ARHGAP6: variants seen among roughly 807,000 people sequenced by gnomAD.
The protein encoded by ARHGAP6 is Rho GTPase activating protein 6.
A neutral mutation model predicts 55.7 loss-of-function variants in ARHGAP6; 16 were observed. The observed-to-expected ratio is 0.29, with a 90% CI of 0.19 to 0.44. ARHGAP6 has a LOEUF of 0.44. ARHGAP6 is among the 20% of genes least tolerant of loss of function. The probability of loss-of-function intolerance (pLI) is 1.00; values close to 1 mark genes in which losing one functional copy is unlikely to be tolerated. For synonymous variants in ARHGAP6, 382 were observed against 360.9 expected, an observed-to-expected ratio of 1.06 and a Z score of -0.66; for missense variants, 698 against 808.9, an observed-to-expected ratio of 0.86 and a Z score of 1.66.
chrX:11,330,481 G>A (rs943360123), intron 1 of ARHGAP6, among the ~76,000 whole-genome samples: 4 of 111,184 alleles, frequency 3.6e-5, no homozygotes, highest in African/African-American at 1.3e-4. Flanking sequence ...AAGGGTTAAC[G>A]AGATGCATGT....
chrX:11,224,644 G>A (rs1432343485), intron 2 of ARHGAP6, among the ~76,000 whole-genome samples: 1 of 108,702 alleles, frequency 9.2e-6, no homozygotes, highest in East Asian at 2.8e-4. Flanking sequence ...GAGTTGGGCA[G>A]GGCATATATG....
In ARHGAP6 at chrX:11,471,796, G is replaced by A. The variant is rs751099599; in HGVS notation, c.588+192445C>T. ...GTAATAGTCTGATCCTGAGACCCAG[G>A]GATACAGGGCCTACCTCAAACTGAG... On this transcript the variant is annotated intron_variant, in intron 1 of 12. Transcript: ENST00000337414. 2.7e-5 allele frequency among the ~76,000 whole-genome samples: 3 copies of A among 111,526 alleles called. No homozygotes were observed. In the East Asian group the frequency reaches 8.5e-4, roughly 31 times the overall value.
chrX:11,583,987 G>A (rs764526122), intron 1 of ARHGAP6, among the ~76,000 whole-genome samples: 12 of 111,787 alleles, frequency 1.1e-4, no homozygotes, highest in Non-Finnish European at 2.1e-4. Context: ...CAACATATAA[G>A]AAAAGATTTC....
intron 1 of ARHGAP6, among the ~76,000 whole-genome samples, chrX:11,463,315 G>A (rs1452294100): frequency 3.6e-5 from 4 of 111,986 alleles, no homozygotes; most frequent in African/African-American, 1.3e-4. Context: ...AACTATTGTG[G>A]TTTTCTGTTG....
At chrX:11,609,644 C>T (rs2052078875) in intron 1 of ARHGAP6, among the ~76,000 whole-genome samples, 1 of 112,055 alleles carries the variant, frequency 8.9e-6, no homozygotes, top group Non-Finnish European at 1.9e-5. Flanking sequence ...ATACCAAAAA[C>T]TGCACACTGT....
intron 1 of ARHGAP6, among the ~76,000 whole-genome samples, chrX:11,593,831 C>T (rs1253000501): frequency 2.7e-5 from 3 of 112,398 alleles, no homozygotes; most frequent in Non-Finnish European, 3.8e-5. Context: ...TCACTACACA[C>T]AATGACCTAG....
intron 1 of ARHGAP6, among the ~76,000 whole-genome samples, chrX:11,580,065 T>C (rs750422895): frequency 9.0e-6 from 1 of 111,585 alleles, no homozygotes; most frequent in East Asian, 2.8e-4. Context: ...CCATGACTCA[T>C]TAAAGGCCAG....
At chrX:11,297,089 G>A (rs1019321915) in intron 1 of ARHGAP6, among the ~76,000 whole-genome samples, 3 of 111,538 alleles carry the variant, frequency 2.7e-5, no homozygotes, top group African/African-American at 9.8e-5. Flanking sequence ...CACTACTCAG[G>A]GAGGCTCCAT....
At chrX:11,317,441 G>A (rs751341282) in intron 1 of ARHGAP6, among the ~76,000 whole-genome samples, 4 of 111,915 alleles carry the variant, frequency 3.6e-5, no homozygotes, top group South Asian at 7.5e-4. Flanking sequence ...TCCCCAAACT[G>A]CCACAGGTTC....
chrX:11,256,269 G>A (rs1343781336), intron 1 of ARHGAP6, among the ~76,000 whole-genome samples: 4 of 112,051 alleles, frequency 3.6e-5, no homozygotes, highest in African/African-American at 1.3e-4. Flanking sequence ...CATGCCTGTA[G>A]TCCCAGCTAC....
intron 1 of ARHGAP6, among the ~76,000 whole-genome samples, chrX:11,486,345 T>C (rs950239375): frequency 8.9e-6 from 1 of 111,995 alleles, no homozygotes; most frequent in Non-Finnish European, 1.9e-5. Flanking sequence ...TGTAGAAACT[T>C]TAGCTCTCTA....
intron 1 of ARHGAP6, among the ~76,000 whole-genome samples, chrX:11,374,531 T>C (rs2049178781): frequency 8.9e-6 from 1 of 112,010 alleles, no homozygotes. Context: ...AACCATTTCT[T>C]CTCTTAATTC....
intron 1 of ARHGAP6, among the ~76,000 whole-genome samples, chrX:11,313,722 T>C (rs767155833): frequency 2.2e-4 from 25 of 112,472 alleles, no homozygotes; most frequent in Admixed American, 1.3e-3. Flanking sequence ...ATTAGAAAGA[T>C]TGTTTATCAC....
At chrX:11,494,249 A>G (rs1603231234) in intron 1 of ARHGAP6, among the ~76,000 whole-genome samples, 1 of 112,116 alleles carries the variant, frequency 8.9e-6, no homozygotes, top group East Asian at 2.8e-4. Flanking sequence ...GCATTAAATG[A>G]ACAAATAAAA....
At chrX:11,174,625 T>TCTTTC (rs748505752) in intron 8 of ARHGAP6, among the ~76,000 whole-genome samples, 50 of 14,946 alleles carry the variant, frequency 3.3e-3, no homozygotes, top group African/African-American at 4.9e-3. Context: ...TCTCTTTCTT[T>TCTTTC]TCTTTCTTTC....
At chrX:11,286,189 A>G (rs1009244385) in intron 1 of ARHGAP6, among the ~76,000 whole-genome samples, 2 of 112,155 alleles carry the variant, frequency 1.8e-5, no homozygotes, top group Non-Finnish European at 1.9e-5. Flanking sequence ...AACAATTTCT[A>G]TCTTTTAAAA....
At chrX:11,298,558 A>G (rs760691566) in intron 1 of ARHGAP6, 1 of 1,210,970 alleles carries the variant, frequency 8.3e-7, no homozygotes, top group South Asian at 1.8e-5. Context: ...TACCCTTCCT[A>G]TGGTTACGAG....
chrX:11,462,329 C>T lies in ARHGAP6; in HGVS notation c.588+201912G>A, dbSNP rs144632379. On this transcript the variant is annotated intron_variant, in intron 1 of 12. Transcript: ENST00000337414. ...AACTGCCTCATCTCTTCTCCACCCACGACAATGCCCTCTCCATCAAAAAAT... is the reference window on the plus strand; with the variant it reads ...AACTGCCTCATCTCTTCTCCACCCATGACAATGCCCTCTCCATCAAAAAAT... Among the ~76,000 whole-genome samples, 617 of 112,046 alleles carry T rather than the reference C, an allele frequency of 5.5e-3. 2 individuals carry two copies. Among genetic ancestry groups the T allele is most frequent in the Non-Finnish European group, 7.8e-3 (417 of 53,209 alleles).
intron 8 of ARHGAP6, among the ~76,000 whole-genome samples, chrX:11,171,489 A>AAT (rs200427459): frequency 0.026 from 2,936 of 111,843 alleles, 103 homozygotes; most frequent in African/African-American, 0.092. Context: ...ACAGTCAACT[A>AAT]ATAGGCATTG....
Sources: gnomAD v4.1 joint callset for allele counts (sites outside exome capture counted in the v4.1 genomes callset) on GRCh38, gnomAD v4.1.1 for gene constraint, MANE v1.5 for transcripts, NCBI Gene and HGNC (gene_info 2026-07-23, HGNC 2026-07-21) for gene names.